Variants in MARCHF1 observed in about 807,000 individuals in gnomAD.
The protein encoded by MARCHF1 is membrane associated ring-CH-type finger 1.
MARCHF1 carries 40 observed loss-of-function variants against 54.2 expected under a neutral mutation model. That is an observed-to-expected ratio of 0.74 (90% CI 0.57 to 0.96). The LOEUF (loss-of-function observed/expected upper bound fraction) is 0.96. MARCHF1 is among the 40% of genes least tolerant of loss of function. MARCHF1 has a pLI of 0.00. For missense variants in MARCHF1, 586 were observed against 656.5 expected (o/e 0.89, Z 1.17); for synonymous variants, 236 against 236.3 (o/e 1.00, Z 0.01).
chr4:164,377,738 G>A (rs1006140774), intron 1 of MARCHF1, among the ~76,000 whole-genome samples: 3 of 152,074 alleles, frequency 2.0e-5, no homozygotes, highest in Admixed American at 2.0e-4. Context: ...TGAATTACTG[G>A]TCTTCACTGT....
chr4:164,108,706 A>C (rs1032975482), intron 2 of MARCHF1, among the ~76,000 whole-genome samples: 98 of 152,176 alleles, frequency 6.4e-4, no homozygotes, highest in African/African-American at 2.2e-3. Flanking sequence ...TTTTATCTCT[A>C]CAAAGTTTCT....
At chr4:163,678,801 C>T (rs962724340) in intron 5 of MARCHF1, among the ~76,000 whole-genome samples, 1 of 152,150 alleles carries the variant, frequency 6.6e-6, no homozygotes, top group Non-Finnish European at 1.5e-5. Flanking sequence ...AAGTTCCTGC[C>T]TCACTGTTTA....
chr4:164,147,805 T>C (rs1451017531), intron 1 of MARCHF1, among the ~76,000 whole-genome samples: 3 of 145,970 alleles, frequency 2.1e-5, no homozygotes, highest in Admixed American at 1.4e-4. Flanking sequence ...ACATGTACCC[T>C]AAAACTTAAA....
At chr4:163,759,413 G>A (rs773125206) in intron 4 of MARCHF1, among the ~76,000 whole-genome samples, 9 of 151,950 alleles carry the variant, frequency 5.9e-5, no homozygotes, top group Non-Finnish European at 1.3e-4. Context: ...ATGATTAAGA[G>A]CATTTTAAGG....
chr4:164,110,447 G>T (rs1755810591), intron 2 of MARCHF1, among the ~76,000 whole-genome samples: 1 of 151,316 alleles, frequency 6.6e-6, no homozygotes, highest in African/African-American at 2.4e-5. Flanking sequence ...ACTAATTTAT[G>T]CCCTTAGAAT....
At chr4:164,135,392 A>G (rs1579562041) in intron 1 of MARCHF1, 2 of 152,364 alleles carry the variant, frequency 1.3e-5, no homozygotes, top group East Asian at 1.9e-4. Flanking sequence ...TGGGTAATTT[A>G]TAAAGAAAAG....
intron 1 of MARCHF1, among the ~76,000 whole-genome samples, chr4:164,154,471 TTCA>T (rs934718984): frequency 6.6e-6 from 1 of 152,198 alleles, no homozygotes; most frequent in African/African-American, 2.4e-5. Context: ...CTTTTCCAAC[TTCA>T]TCATATTTTG....
intron 2 of MARCHF1, among the ~76,000 whole-genome samples, chr4:164,025,919 A>T (rs548479153): frequency 2.6e-5 from 4 of 152,252 alleles, no homozygotes; most frequent in Non-Finnish European, 5.9e-5. Flanking sequence ...AATATAAAAG[A>T]TTATCAGAAA....
intron 2 of MARCHF1, among the ~76,000 whole-genome samples, chr4:164,022,974 T>A (rs1753695660): frequency 6.6e-6 from 1 of 152,178 alleles, no homozygotes; most frequent in Non-Finnish European, 1.5e-5. Context: ...TAGAGCATCA[T>A]TCACAGGGTC....
At chr4:164,316,343 T>C (rs1417990603) in intron 1 of MARCHF1, among the ~76,000 whole-genome samples, 1 of 152,134 alleles carries the variant, frequency 6.6e-6, no homozygotes, top group African/African-American at 2.4e-5. Flanking sequence ...TTTAGAGCAA[T>C]GAAAGGCAGA....
At chr4:163,742,481 T>C (rs1746234668) in intron 4 of MARCHF1, among the ~76,000 whole-genome samples, 1 of 151,206 alleles carries the variant, frequency 6.6e-6, no homozygotes, top group African/African-American at 2.4e-5. Flanking sequence ...TTTCCTTTCC[T>C]TTTCTTTTTT....
chr4:163,644,306 C>T (rs1346355191), intron 5 of MARCHF1, among the ~76,000 whole-genome samples: 3 of 152,116 alleles, frequency 2.0e-5, no homozygotes, highest in Admixed American at 2.0e-4. Context: ...TTGTGAAACC[C>T]CAGTGGAGCC....
At chr4:164,285,769 A>AT (rs1734130773) in intron 1 of MARCHF1, among the ~76,000 whole-genome samples, 1 of 118,868 alleles carries the variant, frequency 8.4e-6, no homozygotes, top group Non-Finnish European at 1.7e-5. Context: ...CATTAATTTT[A>AT]TTTTTTAAGT....
intron 2 of MARCHF1, among the ~76,000 whole-genome samples, chr4:164,079,186 T>C (rs1368555739): frequency 2.6e-5 from 4 of 152,310 alleles, no homozygotes; most frequent in Non-Finnish European, 2.9e-5. Context: ...TTTTATACTA[T>C]GGTATTAGCA....
In MARCHF1 at chr4:164,307,964, C is replaced by T. The variant is rs551665108; in HGVS notation, c.-323+75906G>A. ...ATGTGTCTTCATTCACATGATTTAC[C>T]CCTTGAGCCTACTAAACACGCCAAA... On this transcript the variant is annotated intron_variant, in intron 1 of 9. Coordinates refer to ENST00000514618, the MANE Select transcript of MARCHF1 (RefSeq NM_001394959.1). 2.0e-5 allele frequency among the ~76,000 whole-genome samples: 3 copies of T among 152,132 alleles called. No homozygotes were observed. In the East Asian group the frequency reaches 5.8e-4, roughly 29 times the overall value.
At chr4:163,960,699 T>C (rs1752328793) in intron 3 of MARCHF1, among the ~76,000 whole-genome samples, 1 of 151,626 alleles carries the variant, frequency 6.6e-6, no homozygotes, top group Admixed American at 6.6e-5. Flanking sequence ...AAAATAGCTA[T>C]TGAGTACCAG....
At chr4:164,085,795 A>G (rs914598248) in intron 2 of MARCHF1, among the ~76,000 whole-genome samples, 9 of 151,832 alleles carry the variant, frequency 5.9e-5, no homozygotes, top group Non-Finnish European at 1.2e-4. Flanking sequence ...GAATTTTACT[A>G]TCTTGGTGCA....
chr4:163,889,854 TA>T (rs68062722), intron 3 of MARCHF1, among the ~76,000 whole-genome samples: 6 of 147,070 alleles, frequency 4.1e-5, no homozygotes, highest in African/African-American at 1.2e-4. Context: ...ACCTGCAGAT[TA>T]AAAAAAAAAA....
intron 2 of MARCHF1, among the ~76,000 whole-genome samples, chr4:164,108,812 C>A (rs1048510152): frequency 3.3e-5 from 5 of 151,990 alleles, no homozygotes; most frequent in African/African-American, 1.2e-4. Flanking sequence ...GAAAAATAGT[C>A]TCTTTTTATA....
Sources: gnomAD v4.1 joint callset for allele counts (sites outside exome capture counted in the v4.1 genomes callset) on GRCh38, gnomAD v4.1.1 for gene constraint, MANE v1.5 for transcripts, NCBI Gene and HGNC (gene_info 2026-07-23, HGNC 2026-07-21) for gene names.